Variants in ADAMTSL1 observed in about 807,000 individuals in gnomAD.
ADAMTSL1 encodes the protein ADAMTS like 1.
Under a neutral mutation model 201.8 loss-of-function variants are expected in ADAMTSL1, and 126 were observed. That is an observed-to-expected ratio of 0.62 (90% CI 0.54 to 0.72). The LOEUF (loss-of-function observed/expected upper bound fraction) is 0.72, where lower values mean the gene tolerates loss of function less well. Among genes scored for constraint, ADAMTSL1 ranks in the 30% least tolerant of loss-of-function variants. The probability of loss-of-function intolerance (pLI) is 0.00; values close to 1 mark genes in which losing one functional copy is unlikely to be tolerated. For synonymous variants in ADAMTSL1, 1,121 were observed against 903.4 expected, an observed-to-expected ratio of 1.24 and a Z score of -4.32; for missense variants, 2,679 against 2,277.8, an observed-to-expected ratio of 1.18 and a Z score of -3.59.
intron 21 of ADAMTSL1, among the ~76,000 whole-genome samples, chr9:18,824,001 AAAGGAAGGAAGGAAGGAAAG>A (rs916659398): frequency 6.6e-6 from 1 of 151,858 alleles, no homozygotes; most frequent in African/African-American, 2.4e-5. Flanking sequence ...ATAAGAAAGA[AAAGGAAGGAAGGAAGGAAAG>A]AAGGAAGGAA....
chr9:18,283,204 T>C (rs891121867), intron 2 of ADAMTSL1, among the ~76,000 whole-genome samples: 1 of 152,200 alleles, frequency 6.6e-6, no homozygotes, highest in African/African-American at 2.4e-5. Flanking sequence ...CTCCTCTCTT[T>C]CTCTAGCAAT....
upstream of ADAMTSL1, among the ~76,000 whole-genome samples, chr9:18,473,463 A>G (rs1821299484): frequency 6.6e-6 from 1 of 152,214 alleles, no homozygotes. Context: ...TTTACAGAGA[A>G]GCAACTTGCT....
At chr9:18,485,672 A>G (rs528892834) in intron 1 of ADAMTSL1, among the ~76,000 whole-genome samples, 1 of 152,332 alleles carries the variant, frequency 6.6e-6, no homozygotes, top group Admixed American at 6.5e-5. Flanking sequence ...TTGCCAGCAG[A>G]GGGACTTGCA....
In ADAMTSL1 at chr9:18,776,140, C is replaced by G. The variant is rs571715861; in HGVS notation, c.2551+244C>G. On this transcript the variant is annotated intron_variant, in intron 18 of 28. Transcript: ENST00000380548. ...TTGCAGGGGGGTAGAGCAAAGTTCACTTGCTGGCATACAGAGATCTGGAAG... is the reference window on the plus strand; with the variant it reads ...TTGCAGGGGGGTAGAGCAAAGTTCAGTTGCTGGCATACAGAGATCTGGAAG... 1.4e-3 allele frequency among the ~76,000 whole-genome samples: 205 copies of G among 151,802 alleles called. 1 individual carries two copies. The highest frequency in any genetic ancestry group is 4.9e-3 in the African/African-American group (203 of 41,440).
intron 1 of ADAMTSL1, among the ~76,000 whole-genome samples, chr9:18,031,477 C>A (rs1231056861): frequency 6.6e-6 from 1 of 152,022 alleles, no homozygotes; most frequent in Non-Finnish European, 1.5e-5. Context: ...CTTTTGGGTG[C>A]TGAAGGAATT....
chr9:18,608,587 A>C (rs1477033333), intron 4 of ADAMTSL1, among the ~76,000 whole-genome samples: 1 of 152,212 alleles, frequency 6.6e-6, no homozygotes, highest in East Asian at 1.9e-4. Context: ...CATTGTCATA[A>C]TAGTGCAGTG....
intron 26 of ADAMTSL1, among the ~76,000 whole-genome samples, chr9:18,897,970 G>A (rs1829757231): frequency 6.6e-6 from 1 of 151,118 alleles, no homozygotes; most frequent in Admixed American, 6.6e-5. Flanking sequence ...AAGGTCAGGA[G>A]TTTGAGACCA....
rs559399506 is a variant in ADAMTSL1, at chr9:18,689,713, C to T, written c.1574+4913C>T. On this transcript the variant is annotated intron_variant, in intron 13 of 28. Transcript: ENST00000380548. ...GCTCAGAAGAAGCAATGGGATATGC[C>T]AGTTGCTTTGGACACAGTGTGGCCA... is the stretch of plus-strand genomic sequence containing the variant. Among the ~76,000 whole-genome samples the T allele has an allele frequency of 9.9e-5, 15 of 152,262 alleles. No individual in the cohort carries two copies. In the East Asian group the frequency reaches 2.7e-3, roughly 27 times the overall value.
chr9:18,562,847 C>T (rs1043417086), intron 3 of ADAMTSL1, among the ~76,000 whole-genome samples: 10 of 152,312 alleles, frequency 6.6e-5, no homozygotes, highest in African/African-American at 2.4e-4. Context: ...AGTTCTCATG[C>T]TCTGTTTATC....
At chr9:18,112,911 G>C (rs16936335) in intron 1 of ADAMTSL1, among the ~76,000 whole-genome samples, 5,073 of 152,232 alleles carry the variant, frequency 0.033, 261 homozygotes, top group African/African-American at 0.11. Context: ...GGATTAGAAA[G>C]AAGGCTACCA....
intron 1 of ADAMTSL1, among the ~76,000 whole-genome samples, chr9:18,068,810 G>A (rs577039599): frequency 6.0e-4 from 92 of 152,330 alleles, no homozygotes; most frequent in African/African-American, 2.2e-3. Context: ...CATTCAAGAA[G>A]CTCACATTCT....
intron 2 of ADAMTSL1, among the ~76,000 whole-genome samples, chr9:18,415,167 C>A (rs900450451): frequency 6.6e-6 from 1 of 152,006 alleles, no homozygotes; most frequent in African/African-American, 2.4e-5. Context: ...GTCTGGCAGC[C>A]AATCGAAACT....
intron 4 of ADAMTSL1, among the ~76,000 whole-genome samples, chr9:18,600,989 G>GT (rs1384004179): frequency 6.6e-5 from 10 of 151,904 alleles, no homozygotes; most frequent in African/African-American, 2.2e-4. Flanking sequence ...TTTCCTATTG[G>GT]TTTCCTTCAG....
chr9:17,983,499 T>A (rs1396276153), intron 1 of ADAMTSL1, among the ~76,000 whole-genome samples: 1 of 152,198 alleles, frequency 6.6e-6, no homozygotes, highest in African/African-American at 2.4e-5. Flanking sequence ...ATAAGTTACA[T>A]GTATTCCATT....
intron 23 of ADAMTSL1, among the ~76,000 whole-genome samples, chr9:18,882,296 A>G (rs1233417745): frequency 6.6e-6 from 1 of 152,138 alleles, no homozygotes; most frequent in Non-Finnish European, 1.5e-5. Flanking sequence ...GGCTGACCAA[A>G]CAGGATTCAT....
intron 2 of ADAMTSL1, among the ~76,000 whole-genome samples, chr9:18,350,351 T>C (rs529600111): frequency 2.1e-4 from 32 of 152,138 alleles, no homozygotes; most frequent in African/African-American, 6.3e-4. Flanking sequence ...AAAGAGGTCA[T>C]ATACCTTGAG....
At chr9:18,037,175 A>T (rs987706575) in intron 1 of ADAMTSL1, among the ~76,000 whole-genome samples, 2 of 152,228 alleles carry the variant, frequency 1.3e-5, no homozygotes, top group Non-Finnish European at 2.9e-5. Context: ...AGGGAAAAAA[A>T]CTTCAAGCTA....
rs568617642 is a variant in ADAMTSL1 at position 18,886,923 on chromosome 9, T to C, written c.4250-908T>C. 5.3e-5 allele frequency among the ~76,000 whole-genome samples: 8 copies of C among 152,310 alleles called. No homozygotes were observed. In the East Asian group the frequency reaches 1.5e-3, roughly 29 times the overall value. Reference sequence around the variant, plus strand: ...TAAAAATCTTATACCAGCTGAGATCTCCCTAGAAGAGGGAAGATAGTCTTA... The same window carrying C: ...TAAAAATCTTATACCAGCTGAGATCCCCCTAGAAGAGGGAAGATAGTCTTA... On this transcript the variant is annotated intron_variant, in intron 23 of 28. Transcript: ENST00000380548.
At chr9:18,859,746 G>A (rs62549159) in intron 23 of ADAMTSL1, among the ~76,000 whole-genome samples, 73 of 152,234 alleles carry the variant, frequency 4.8e-4, no homozygotes, top group African/African-American at 1.6e-3. Context: ...TCACCACAGC[G>A]TAGTTTATAT....
Sources: allele counts gnomAD v4.1 joint callset (sites outside exome capture counted in the v4.1 genomes callset), GRCh38; gene constraint gnomAD v4.1.1; transcripts MANE v1.5; gene names NCBI Gene and HGNC (gene_info 2026-07-23, HGNC 2026-07-21).